The following SH3PXD2A variants were observed in gnomAD, a reference collection of about 807,000 sequenced individuals.
The protein encoded by SH3PXD2A is SH3 and PX domain-containing protein 2A.
Under a neutral mutation model 115.2 loss-of-function variants are expected in SH3PXD2A, and 32 were observed. The observed-to-expected ratio is 0.28, with a 90% CI of 0.21 to 0.37. SH3PXD2A has a LOEUF of 0.37. SH3PXD2A is among the 10% of genes least tolerant of loss of function. The pLI, the probability that SH3PXD2A is intolerant of heterozygous loss-of-function variation, is 1.00. For missense variants in SH3PXD2A, 1,328 were observed against 1,498.7 expected, an observed-to-expected ratio of 0.89 and a Z score of 1.88; for synonymous variants, 610 against 629.1, an observed-to-expected ratio of 0.97 and a Z score of 0.45.
At chr10:103,735,673 C>T (rs1389127837) in intron 4 of SH3PXD2A, 59 bp downstream of exon 4, 5 of 1,313,798 alleles carry the variant, frequency 3.8e-6, no homozygotes, top group South Asian at 2.4e-5. Flanking sequence ...GGCAAATGGG[C>T]CCCTCTCCTC....
At chr10:103,685,857 C>T (rs920270643) in intron 6 of SH3PXD2A, among the ~76,000 whole-genome samples, 6 of 152,216 alleles carry the variant, frequency 3.9e-5, no homozygotes, top group African/African-American at 9.6e-5. Context: ...GCTGAGTCTA[C>T]GCCCTGTCGT....
At chr10:103,765,090 T>A (rs1042137841) in intron 3 of SH3PXD2A, among the ~76,000 whole-genome samples, 1 of 152,158 alleles carries the variant, frequency 6.6e-6, no homozygotes, top group Admixed American at 6.5e-5. Context: ...TCTATCATTA[T>A]CCCCATTTTC....
At position 103,603,663 on chromosome 10, in the gene SH3PXD2A, G is replaced by C. The variant is rs1201268825; in HGVS notation, c.1555C>G (p.Arg519Gly). The change falls in exon 15 of 15, where the codon CGG becomes GGG. Residue 519 changes from arginine (R) to glycine (G), a missense_variant. Coordinates refer to ENST00000369774, the MANE Select transcript of SH3PXD2A (RefSeq NM_001394015.1). ...NLSRRTSTLT[R>G]PKVPPPAPPS... is the part of the protein sequence containing the mutation. ...GGTGCTGGCGGGGGCACCTTGGGCC[G>C]GGTCAGCGTGCTTGTGCGGCGGCTC... The C allele has an allele frequency of 6.2e-7, 1 of 1,606,150 alleles. No homozygotes were observed. Among genetic ancestry groups the C allele is most frequent in the Non-Finnish European group, 8.5e-7 (1 of 1,176,850 alleles).
chr10:103,646,440 C>T (rs2037037657), intron 8 of SH3PXD2A, among the ~76,000 whole-genome samples: 1 of 152,174 alleles, frequency 6.6e-6, no homozygotes, highest in Admixed American at 6.5e-5. Context: ...TAGAGACTCG[C>T]CACAGTTACA....
chr10:103,730,954 C>A (rs1331979974), intron 4 of SH3PXD2A, among the ~76,000 whole-genome samples: 1 of 152,154 alleles, frequency 6.6e-6, no homozygotes, highest in Non-Finnish European at 1.5e-5. Context: ...TGAATGTGCA[C>A]CCAGGCAGGG....
chr10:103,605,952 C>T, intron 13 of SH3PXD2A, 35 bp from the exon 14 acceptor site: 1 of 1,609,140 alleles, frequency 6.2e-7, no homozygotes. Context: ...GCAAAACCCG[C>T]CTAAATCAGA....
In SH3PXD2A at chr10:103,611,581, C is replaced by A; in HGVS notation, c.1308G>T (p.Leu436=). The change falls in exon 13 of 15, where the codon CTG becomes CTT. Residue 436 remains leucine, a splice_region_variant and synonymous_variant. Transcript: ENST00000369774. ...TRPPPRRESS[L]GFQLPKPPEP... ...GGGAGAAGAAATTCAGTACACATACCAGGCTGGATTCTCTGCGTGGTGGAG... is the reference window on the plus strand; with the variant it reads ...GGGAGAAGAAATTCAGTACACATACAAGGCTGGATTCTCTGCGTGGTGGAG... 1 of 1,613,870 alleles carries A rather than the reference C, an allele frequency of 6.2e-7. No individual in the cohort carries two copies. Among genetic ancestry groups the A allele is most frequent in the Non-Finnish European group, 8.5e-7 (1 of 1,179,734 alleles).
intron 3 of SH3PXD2A, chr10:103,736,777 T>C: frequency 7.8e-7 from 1 of 1,289,326 alleles, no homozygotes; most frequent in Non-Finnish European, 1.0e-6. Flanking sequence ...GATGAAGTGC[T>C]CACCTGTAGC....
At chr10:103,793,594 TCTC>T (rs2039057867) in intron 2 of SH3PXD2A, among the ~76,000 whole-genome samples, 1 of 152,318 alleles carries the variant, frequency 6.6e-6, no homozygotes, top group Admixed American at 6.5e-5. Flanking sequence ...AGGCTGATGT[TCTC>T]CTCTGTCTAA....
At chr10:103,804,378 G>A (rs568143717) in intron 1 of SH3PXD2A, among the ~76,000 whole-genome samples, 8 of 130,888 alleles carry the variant, frequency 6.1e-5, no homozygotes, top group Non-Finnish European at 3.1e-5. Flanking sequence ...TTGGAGTGCA[G>A]TGGCGTGATC....
chr10:103,646,247 C>T (rs867059595), intron 8 of SH3PXD2A, among the ~76,000 whole-genome samples: 4 of 152,078 alleles, frequency 2.6e-5, no homozygotes, highest in African/African-American at 9.7e-5. Flanking sequence ...TCTCACTGAG[C>T]GGCTTCCTGC....
At chr10:103,605,571 G>A (rs1169671010) in intron 14 of SH3PXD2A, among the ~76,000 whole-genome samples, 1 of 152,218 alleles carries the variant, frequency 6.6e-6, no homozygotes, top group African/African-American at 2.4e-5. Flanking sequence ...GGGAAATGTT[G>A]TGAGACAAGC....
intron 6 of SH3PXD2A, among the ~76,000 whole-genome samples, chr10:103,684,632 C>T (rs1346439977): frequency 5.9e-5 from 9 of 151,960 alleles, no homozygotes; most frequent in Non-Finnish European, 1.0e-4. Context: ...ATTACAGGAG[C>T]GAGCCACCAC....
chr10:103,707,034 A>G (rs187091058), intron 5 of SH3PXD2A, among the ~76,000 whole-genome samples: 3 of 152,110 alleles, frequency 2.0e-5, no homozygotes, highest in Admixed American at 6.5e-5. Flanking sequence ...GTCCTGCACT[A>G]TTGCCTCACG....
intron 4 of SH3PXD2A, among the ~76,000 whole-genome samples, chr10:103,725,711 A>G (rs2038232813): frequency 6.6e-6 from 1 of 152,106 alleles, no homozygotes; most frequent in African/African-American, 2.4e-5. Flanking sequence ...CTGTAATGCC[A>G]GCTACTCGGG....
Position 103,596,271 on chromosome 10 carries a change from AGGG to A in SH3PXD2A, c.*5542_*5544del, listed in dbSNP as rs1245487129. ...TCAGCCTGCTCGATGACACGTCTGC[AGGG>A]GATGACCTAACTGAACCAACTCAGT... is the stretch of plus-strand genomic sequence containing the variant. On this transcript the variant is annotated 3_prime_UTR_variant, in exon 15 of 15. Coordinates refer to ENST00000369774, the MANE Select transcript of SH3PXD2A (RefSeq NM_001394015.1). 6.6e-6 allele frequency: 1 copy of A among 152,574 alleles called. No homozygotes were observed. Among genetic ancestry groups the A allele is most frequent in the Non-Finnish European group, 1.5e-5 (1 of 68,036 alleles). 9.5% of individuals were successfully genotyped at this position (152,574 alleles called of 1,614,324 possible). A position where few individuals can be genotyped will look rare whatever the true frequency, so the allele number is the denominator to read the frequency against.
chr10:103,785,459 T>C (rs1338635631), intron 2 of SH3PXD2A, among the ~76,000 whole-genome samples: 1 of 151,922 alleles, frequency 6.6e-6, no homozygotes, highest in African/African-American at 2.4e-5. Context: ...GTAGCCTGAG[T>C]GAGGGCTGAG....
intron 1 of SH3PXD2A, among the ~76,000 whole-genome samples, chr10:103,835,779 A>C (rs2039533368): frequency 6.6e-6 from 1 of 152,148 alleles, no homozygotes; most frequent in Non-Finnish European, 1.5e-5. Context: ...GCACACCTGC[A>C]CCACTCTATA....
At chr10:103,838,168 C>T (rs531506912) in intron 1 of SH3PXD2A, among the ~76,000 whole-genome samples, 2 of 152,310 alleles carry the variant, frequency 1.3e-5, no homozygotes, top group South Asian at 4.1e-4. Context: ...ATCCAAGACA[C>T]CTCTGTCACA....
Sources: allele counts gnomAD v4.1 joint callset (sites outside exome capture counted in the v4.1 genomes callset), GRCh38; gene constraint gnomAD v4.1.1; transcripts MANE v1.5; gene names NCBI Gene and HGNC (gene_info 2026-07-23, HGNC 2026-07-21).